CDYL: variants seen among roughly 807,000 people sequenced by gnomAD.
The protein encoded by CDYL is chromodomain Y-like protein.
CDYL carries 8 observed loss-of-function variants against 47.3 expected under a neutral mutation model. The observed-to-expected ratio is 0.17, with a 90% CI of 0.10 to 0.31. The LOEUF is 0.31. Ranked by LOEUF, CDYL falls within the 10% of genes least tolerant of loss-of-function variation. The pLI is 1.00. For synonymous variants in CDYL, 266 were observed against 265.0 expected (o/e 1.00, Z -0.04); for missense variants, 471 against 701.4 (o/e 0.67, Z 3.71).
At chr6:4,884,896 T>G (rs1761860903) in intron 1 of CDYL, among the ~76,000 whole-genome samples, 3 of 152,172 alleles carry the variant, frequency 2.0e-5, no homozygotes, top group South Asian at 4.1e-4. Flanking sequence ...AAAGCGGTAG[T>G]CCCCGTTTAC....
intron 1 of CDYL, among the ~76,000 whole-genome samples, chr6:4,820,931 C>G (rs1759817704): frequency 6.6e-6 from 1 of 152,248 alleles, no homozygotes; most frequent in South Asian, 2.1e-4. Context: ...TGGAATGTGA[C>G]ATCCACAACC....
intron 5 of CDYL, among the ~76,000 whole-genome samples, chr6:4,950,824 C>CA: frequency 6.6e-6 from 1 of 151,478 alleles, no homozygotes; most frequent in Non-Finnish European, 1.5e-5. Flanking sequence ...CCCAGCTACT[C>CA]ACGAGGCTGA....
chr6:4,744,447 A>G (rs1251254975), intron 3 of CDYL, among the ~76,000 whole-genome samples: 2 of 152,224 alleles, frequency 1.3e-5, no homozygotes, highest in East Asian at 1.9e-4. Flanking sequence ...GTGAGCTATG[A>G]TTGAACCCAC....
chr6:4,919,330 T>C (rs1421723258), intron 2 of CDYL, among the ~76,000 whole-genome samples: 2 of 152,004 alleles, frequency 1.3e-5, no homozygotes, highest in African/African-American at 4.8e-5. Flanking sequence ...AGTAAGAGTT[T>C]GTGAAGGTAT....
At chr6:4,720,304 G>T (rs765678828) in intron 2 of CDYL, among the ~76,000 whole-genome samples, 14 of 152,170 alleles carry the variant, frequency 9.2e-5, no homozygotes, top group Non-Finnish European at 1.6e-4. Context: ...AACTTAACCA[G>T]AATGAATGAC....
At chr6:4,900,814 TA>T (rs1757020767) in intron 2 of CDYL, among the ~76,000 whole-genome samples, 1 of 93,400 alleles carries the variant, frequency 1.1e-5, no homozygotes, top group Admixed American at 9.7e-5. Flanking sequence ...TATATATATA[TA>T]TATATATATA....
chr6:4,869,656 A>T (rs1201933765), intron 1 of CDYL, among the ~76,000 whole-genome samples: 1 of 152,048 alleles, frequency 6.6e-6, no homozygotes, highest in Non-Finnish European at 1.5e-5. Context: ...ATGCATTTTA[A>T]TTTATCGCAG....
At chr6:4,930,329 A>G (rs1047421672) in intron 2 of CDYL, among the ~76,000 whole-genome samples, 1 of 152,202 alleles carries the variant, frequency 6.6e-6, no homozygotes, top group Non-Finnish European at 1.5e-5. Flanking sequence ...CTTTTTATCT[A>G]TGTAGCTTCC....
intron 1 of CDYL, among the ~76,000 whole-genome samples, chr6:4,877,741 A>T (rs1484489987): frequency 2.0e-5 from 3 of 152,190 alleles, no homozygotes; most frequent in Non-Finnish European, 2.9e-5. Flanking sequence ...TTATGATGTT[A>T]TATCTTGAAA....
intron 2 of CDYL, among the ~76,000 whole-genome samples, chr6:4,725,281 A>G (rs1582284716): frequency 6.6e-6 from 1 of 152,228 alleles, no homozygotes; most frequent in South Asian, 2.1e-4. Context: ...TGGATCCCGC[A>G]CCGAGGGTGC....
chr6:4,804,899 A>T (rs552319383), intron 1 of CDYL, among the ~76,000 whole-genome samples: 1 of 152,218 alleles, frequency 6.6e-6, no homozygotes, highest in African/African-American at 2.4e-5. Flanking sequence ...CATGTAGCGC[A>T]TGCATCTGTC....
At chr6:4,939,721 A>G (rs1181770473) in intron 4 of CDYL, among the ~76,000 whole-genome samples, 1 of 152,218 alleles carries the variant, frequency 6.6e-6, no homozygotes, top group African/African-American at 2.4e-5. Context: ...GCTGACTCTC[A>G]GCGCCTCTAA....
At chr6:4,828,232 GT>G (rs571294927) in intron 1 of CDYL, among the ~76,000 whole-genome samples, 12 of 134,450 alleles carry the variant, frequency 8.9e-5, no homozygotes, top group South Asian at 5.0e-4. Flanking sequence ...CTTTTAACAG[GT>G]TTTTTTTTTA....
Position 4,731,615 on chromosome 6 carries a change from A to G in CDYL, c.104-3147A>G, listed in dbSNP as rs753903475. Among the ~76,000 whole-genome samples the G allele has an allele frequency of 8.0e-4, 122 of 152,172 alleles. 2 individuals carry two copies. The highest frequency in any genetic ancestry group is 4.1e-3 in the Admixed American group (62 of 15,282). On this transcript the variant is annotated intron_variant, in intron 2 of 8. Coordinates refer to the CDYL transcript ENST00000328908. ...AGTTCGAGACCAGCGCCTGGCCAACATAGTGAAACCCCATCTCTATTAAAA... is the reference window on the plus strand; with the variant it reads ...AGTTCGAGACCAGCGCCTGGCCAACGTAGTGAAACCCCATCTCTATTAAAA...
intron 1 of CDYL, among the ~76,000 whole-genome samples, chr6:4,846,949 G>C (rs574296272): frequency 6.6e-5 from 10 of 152,130 alleles, no homozygotes; most frequent in Non-Finnish European, 1.2e-4. Flanking sequence ...CAGCAAAGTA[G>C]CCCCCTATTA....
intron 2 of CDYL, among the ~76,000 whole-genome samples, chr6:4,734,372 C>G (rs940099870): frequency 3.3e-5 from 5 of 152,186 alleles, no homozygotes; most frequent in African/African-American, 1.2e-4. Context: ...CTCCCCATCA[C>G]AGCCTGGGGC....
chr6:4,718,284 TTTC>T (rs1757307336), intron 2 of CDYL, among the ~76,000 whole-genome samples: 1 of 152,172 alleles, frequency 6.6e-6, no homozygotes, highest in South Asian at 2.1e-4. Flanking sequence ...TGGTGGTTTT[TTTC>T]TGTTTTTCGT....
At chr6:4,808,084 G>A (rs2127442794) in intron 1 of CDYL, among the ~76,000 whole-genome samples, 1 of 152,272 alleles carries the variant, frequency 6.6e-6, no homozygotes, top group Admixed American at 6.5e-5. Flanking sequence ...AGGACACTCA[G>A]GGTGCATCTT....
intron 2 of CDYL, among the ~76,000 whole-genome samples, chr6:4,934,353 T>C (rs951996781): frequency 1.3e-5 from 2 of 152,158 alleles, no homozygotes; most frequent in Non-Finnish European, 2.9e-5. Context: ...AAAAAAAACC[T>C]CTAGCAATTA....
Sources: gnomAD v4.1 joint callset for allele counts (sites outside exome capture counted in the v4.1 genomes callset) on GRCh38, gnomAD v4.1.1 for gene constraint, MANE v1.5 for transcripts, NCBI Gene and HGNC (gene_info 2026-07-23, HGNC 2026-07-21) for gene names.